The following PLAA variants were observed in gnomAD, a reference collection of about 807,000 sequenced individuals.
The protein encoded by PLAA is phospholipase A-2-activating protein.
Under a neutral mutation model 84.1 loss-of-function variants are expected in PLAA, and 48 were observed. The ratio of observed to expected loss-of-function variants is 0.57; its 90% CI spans 0.45 to 0.73. PLAA has a LOEUF of 0.73. PLAA is among the 30% of genes least tolerant of loss of function. The pLI is 0.00. For synonymous variants in PLAA, 392 were observed against 336.6 expected (o/e 1.16, Z -1.80); for missense variants, 903 against 954.7 (o/e 0.95, Z 0.71).
intron 8 of PLAA, 138 bp from the exon 9 acceptor site, chr9:26,919,667 C>T: frequency 3.5e-6 from 2 of 570,318 alleles, no homozygotes; most frequent in Non-Finnish European, 6.2e-6. Context: ...CTAAAATCTT[C>T]GTTTTTGGCA....
rs75570453 is a variant in PLAA at position 26,946,512 on chromosome 9, G to GA, written c.149+384dup. Among the ~76,000 whole-genome samples, 698 of 122,972 alleles carry GA rather than the reference G, an allele frequency of 5.7e-3. 2 individuals are homozygous for GA. The highest frequency in any genetic ancestry group is 0.014 in the South Asian group (54 of 3,842). 80.7% of individuals were successfully genotyped at this position (122,972 alleles called of 152,430 possible). A position where few individuals can be genotyped will look rare whatever the true frequency, so the allele number is the denominator to read the frequency against. On this transcript the variant is annotated intron_variant, in intron 1 of 13. Transcript: ENST00000397292. ...CAGAAGACTACAGAGCATCTTCTTC[G>GA]AAAAAAAAAAAAAAAGAGGACATTT...
rs943945980 is a variant in PLAA, at chr9:26,932,102, A to AAAAC, written c.343+2907_343+2910dup. ...GACTCCATCTCCAAAACAAACAAAC[A>AAAAC]AAACAAACAAACAAACAAAACAGAT... On this transcript the variant is annotated intron_variant, in intron 2 of 13. Coordinates refer to ENST00000397292, the MANE Select transcript of PLAA (RefSeq NM_001031689.3). 2.9e-3 allele frequency among the ~76,000 whole-genome samples: 443 copies of AAAAC among 152,292 alleles called. 4 individuals are homozygous for AAAAC. The highest frequency in any genetic ancestry group is 0.01 in the African/African-American group (431 of 41,558).
intron 2 of PLAA, among the ~76,000 whole-genome samples, chr9:26,934,231 C>T (rs929114227): frequency 6.6e-6 from 1 of 152,274 alleles, no homozygotes; most frequent in South Asian, 2.1e-4. Context: ...CAATAAAGAA[C>T]TGTTAAGCCA....
At chr9:26,933,788 CA>C (rs199939902) in intron 2 of PLAA, among the ~76,000 whole-genome samples, 4,361 of 88,986 alleles carry the variant, frequency 0.049, 33 homozygotes, top group Middle Eastern at 0.13. Context: ...GACTCTGCCT[CA>C]AAAAAAAAAA....
chr9:26,923,862 T>C (rs146860647), intron 6 of PLAA, among the ~76,000 whole-genome samples: 55 of 152,270 alleles, frequency 3.6e-4, no homozygotes, highest in African/African-American at 1.3e-3. Context: ...CTCAGAAAAA[T>C]TACTTTATCT....
At position 26,910,399 on chromosome 9, in the gene PLAA, A is replaced by G. The variant is rs763927958; in HGVS notation, c.1596T>C (p.Asn532=). 3.1e-6 allele frequency: 5 copies of G among 1,613,466 alleles called. No individual in the cohort carries two copies. The South Asian group carries it at 4.4e-5, about 14-fold the overall frequency. ...CAGCCTCTTTTTTAGGGAAATAAAT[A>G]TTCATTGTTTTAGATGCAGCTGATC... ...AYRSAASKTM[N]IYFPKKEAVT... The change falls in exon 12 of 14, where the codon AAT becomes AAC. Residue 532 remains asparagine, a synonymous_variant. Transcript: ENST00000397292.
At chr9:26,942,280 G>C (rs543893601) in intron 1 of PLAA, among the ~76,000 whole-genome samples, 1 of 152,190 alleles carries the variant, frequency 6.6e-6, no homozygotes, top group African/African-American at 2.4e-5. Context: ...TCCAACATAT[G>C]AGGTTCAAAA....
At chr9:26,930,071 A>G (rs1471271618) in intron 2 of PLAA, among the ~76,000 whole-genome samples, 4 of 151,328 alleles carry the variant, frequency 2.6e-5, no homozygotes, top group East Asian at 1.9e-4. Flanking sequence ...AGGAAGGCAC[A>G]TGCTTTTAAA....
chr9:26,931,745 G>C (rs1010554238), intron 2 of PLAA, among the ~76,000 whole-genome samples: 1 of 152,150 alleles, frequency 6.6e-6, no homozygotes, highest in Admixed American at 6.6e-5. Flanking sequence ...GAAACTGACA[G>C]ATTGAAAGAT....
In PLAA at chr9:26,907,904, A is replaced by G; in HGVS notation, c.1752T>C (p.Cys584=). ...ILLEKILSLI[C]NSSSEKPTVQ... is the part of the protein sequence containing the mutation. ...CTGTGGGTTTTTCTGAAGAACTATT[A>G]CATATTAGAGACAGTATCTTCTCAA... The change falls in exon 13 of 14, where the codon TGT becomes TGC. Residue 584 remains cysteine, a synonymous_variant. Coordinates refer to ENST00000397292, the MANE Select transcript of PLAA (RefSeq NM_001031689.3). 6.2e-7 allele frequency: 1 copy of G among 1,612,326 alleles called. No individual in the cohort carries two copies. Among genetic ancestry groups the G allele is most frequent in the Non-Finnish European group, 8.5e-7 (1 of 1,179,366 alleles).
intron 9 of PLAA, among the ~76,000 whole-genome samples, chr9:26,918,075 G>GT (rs1232734281): frequency 1.3e-5 from 2 of 152,072 alleles, no homozygotes; most frequent in South Asian, 2.1e-4. Flanking sequence ...CAGATCATCT[G>GT]TAATTCAGTA....
chr9:26,933,240 C>A (rs1405543834), intron 2 of PLAA, among the ~76,000 whole-genome samples: 1 of 151,124 alleles, frequency 6.6e-6, no homozygotes, highest in Non-Finnish European at 1.5e-5. Flanking sequence ...TGCACTCCAG[C>A]CTGGTGAAAG....
At chr9:26,944,442 G>C (rs988590785) in intron 1 of PLAA, among the ~76,000 whole-genome samples, 1 of 152,118 alleles carries the variant, frequency 6.6e-6, no homozygotes, top group Non-Finnish European at 1.5e-5. Context: ...ACTTCAGTTG[G>C]CATCAATAAG....
rs377461431 is a variant in PLAA at position 26,913,947 on chromosome 9, C to T, written c.1487G>A (p.Gly496Asp). Reference protein sequence around the residue: ...NTLPTADPFTGAGRYVPGSAS... With the variant: ...NTLPTADPFTDAGRYVPGSAS... ...AGAACCTGGTACATAACGACCAGCA[C>T]CTACAATACAATAATACTCCTAGTA... Residue 496 changes from glycine (G) to aspartate (D), a missense_variant and splice_region_variant, in exon 11 of 14, where the codon GGT becomes GAT. Physicochemically the swap from Gly to Asp is moderately conservative, Grantham distance 94. Coordinates refer to ENST00000397292, the MANE Select transcript of PLAA (RefSeq NM_001031689.3). The T allele has an allele frequency of 2.9e-5, 47 of 1,606,532 alleles. 1 individual carries two copies. The highest frequency in any genetic ancestry group is 4.3e-6 in the Non-Finnish European group (5 of 1,173,542).
At chr9:26,942,433 C>T (rs939914104) in intron 1 of PLAA, among the ~76,000 whole-genome samples, 9 of 152,070 alleles carry the variant, frequency 5.9e-5, no homozygotes, top group East Asian at 1.9e-4. Context: ...AGAGGTGATT[C>T]GGTAACGAAC....
intron 11 of PLAA, among the ~76,000 whole-genome samples, chr9:26,911,222 G>C (rs1019190331): frequency 6.6e-6 from 1 of 151,876 alleles, no homozygotes; most frequent in Non-Finnish European, 1.5e-5. Flanking sequence ...GCGTAATCTC[G>C]GCTCACTGCA....
At chr9:26,933,067 A>T (rs1165101575) in intron 2 of PLAA, among the ~76,000 whole-genome samples, 1 of 152,118 alleles carries the variant, frequency 6.6e-6, no homozygotes, top group Non-Finnish European at 1.5e-5. Context: ...CAAGAGATCG[A>T]CACCATCCTG....
chr9:26,931,421 T>G (rs1825181637), intron 2 of PLAA, among the ~76,000 whole-genome samples: 1 of 152,196 alleles, frequency 6.6e-6, no homozygotes, highest in South Asian at 2.1e-4. Flanking sequence ...ATTACCATTA[T>G]GTGAAAGGCT....
At chr9:26,935,448 C>G (rs1376296019) in intron 1 of PLAA, among the ~76,000 whole-genome samples, 1 of 151,916 alleles carries the variant, frequency 6.6e-6, no homozygotes, top group Admixed American at 6.6e-5. Flanking sequence ...ACATAGAGAA[C>G]AAGGAAAAAA....
Sources: allele counts gnomAD v4.1 joint callset (sites outside exome capture counted in the v4.1 genomes callset), GRCh38; gene constraint gnomAD v4.1.1; transcripts MANE v1.5; gene names NCBI Gene and HGNC (gene_info 2026-07-23, HGNC 2026-07-21).